LDLRAD4: variants seen among roughly 807,000 people sequenced by gnomAD.
The protein encoded by LDLRAD4 is low-density lipoprotein receptor class A domain-containing protein 4.
In LDLRAD4, 5 loss-of-function variants were observed where a neutral mutation model predicts 17.0. The observed-to-expected ratio is 0.29, with a 90% CI of 0.15 to 0.62. The LOEUF (loss-of-function observed/expected upper bound fraction) is 0.62, where lower values mean the gene tolerates loss of function less well. LDLRAD4 is among the 20% of genes least tolerant of loss of function. The probability of loss-of-function intolerance (pLI) is 0.84; values close to 1 mark genes in which losing one functional copy is unlikely to be tolerated. For synonymous variants in LDLRAD4, 168 were observed against 171.8 expected (o/e 0.98, Z 0.17); for missense variants, 340 against 424.7 (o/e 0.80, Z 1.75).
chr18:13,506,005 T>C (rs1050731544), intron 3 of LDLRAD4, among the ~76,000 whole-genome samples: 3 of 152,116 alleles, frequency 2.0e-5, no homozygotes, highest in African/African-American at 7.2e-5. Context: ...CTCCTCAGTG[T>C]GGATCCACTT....
chr18:13,513,964 G>C (rs10502422), intron 3 of LDLRAD4, among the ~76,000 whole-genome samples: 7,094 of 152,310 alleles, frequency 0.047, 221 homozygotes, highest in South Asian at 0.13. Flanking sequence ...GCTCACCATT[G>C]TGGATCAATT....
intron 3 of LDLRAD4, among the ~76,000 whole-genome samples, chr18:13,570,757 T>C (rs936837109): frequency 6.6e-6 from 1 of 152,196 alleles, no homozygotes; most frequent in African/African-American, 2.4e-5. Context: ...GCTGCCCTTT[T>C]CATTTCTTTT....
chr18:13,376,685 A>G (rs1158198678), intron 1 of LDLRAD4, among the ~76,000 whole-genome samples: 1 of 152,144 alleles, frequency 6.6e-6, no homozygotes, highest in African/African-American at 2.4e-5. Flanking sequence ...AGACTGCTCT[A>G]TCACACGCGG....
intron 1 of LDLRAD4, among the ~76,000 whole-genome samples, chr18:13,242,253 T>G (rs1248963732): frequency 1.3e-5 from 2 of 152,268 alleles, no homozygotes; most frequent in African/African-American, 4.8e-5. Flanking sequence ...AGGATTCCAG[T>G]ATTTCAAGTT....
intron 1 of LDLRAD4, among the ~76,000 whole-genome samples, chr18:13,298,250 G>A (rs1170688775): frequency 6.6e-6 from 1 of 152,270 alleles, no homozygotes. Flanking sequence ...GAATCCTGGG[G>A]CTGGAGGCCT....
At chr18:13,218,011 G>A (rs1409428618), upstream of LDLRAD4, 1 of 151,122 alleles carries the variant, frequency 6.6e-6, no homozygotes, top group Non-Finnish European at 1.5e-5. Context: ...CCCGCACAGC[G>A]CCCCTCCCCC....
chr18:13,381,187 C>T (rs1340290115), intron 1 of LDLRAD4, among the ~76,000 whole-genome samples: 1 of 150,598 alleles, frequency 6.6e-6, no homozygotes, highest in Non-Finnish European at 1.5e-5. Context: ...AAGCAGTCCT[C>T]CTGCCTCAGC....
intron 3 of LDLRAD4, among the ~76,000 whole-genome samples, chr18:13,506,276 T>A (rs971395356): frequency 1.3e-5 from 2 of 151,812 alleles, no homozygotes; most frequent in African/African-American, 4.8e-5. Context: ...AACGTGCAGT[T>A]TTGTTACATA....
chr18:13,295,599 C>G (rs1005592722), intron 1 of LDLRAD4, among the ~76,000 whole-genome samples: 16 of 152,178 alleles, frequency 1.1e-4, no homozygotes, highest in African/African-American at 3.9e-4. Flanking sequence ...TCAACTGGCA[C>G]CTTGAAATGT....
At chr18:13,640,138 A>C (rs1800990059) in intron 4 of LDLRAD4, among the ~76,000 whole-genome samples, 1 of 152,006 alleles carries the variant, frequency 6.6e-6, no homozygotes, top group Non-Finnish European at 1.5e-5. Flanking sequence ...TACAAAAAAA[A>C]CAAAATTAGC....
chr18:13,450,459 G>C lies in LDLRAD4; in HGVS notation c.181+12075G>C, dbSNP rs973813663. Among the ~76,000 whole-genome samples, 3 of 152,296 alleles carry C rather than the reference G, an allele frequency of 2.0e-5. No homozygotes were observed. In the East Asian group the frequency reaches 5.8e-4, roughly 29 times the overall value. ...GTGTTATAGAGAAAACATGTTTGGGGTAGTCACTTGTGGAAAATTATATGC... is the reference window on the plus strand; with the variant it reads ...GTGTTATAGAGAAAACATGTTTGGGCTAGTCACTTGTGGAAAATTATATGC... On this transcript the variant is annotated intron_variant, in intron 3 of 5. Coordinates refer to ENST00000359446, the Ensembl canonical transcript of LDLRAD4.
chr18:13,646,911 T>C (rs2043035586), exon 6 of LDLRAD4: 1 of 152,346 alleles, frequency 6.6e-6, no homozygotes, highest in Non-Finnish European at 1.5e-5. Flanking sequence ...GTGTGGGTGG[T>C]GGTTTCTTAT....
chr18:13,264,907 T>G (rs1017074813), intron 1 of LDLRAD4, among the ~76,000 whole-genome samples: 4 of 152,174 alleles, frequency 2.6e-5, no homozygotes, highest in African/African-American at 9.7e-5. Flanking sequence ...ATAAACAGAC[T>G]CCAGTATTTC....
chr18:13,645,137 C>T lies in LDLRAD4; in HGVS notation c.401C>T (p.Ala134Val). The change falls in exon 6 of 6, where the codon GCC becomes GTC. Residue 134 changes from alanine (A) to valine (V), a missense_variant. Transcript: ENST00000359446. The surrounding 1 kb of genome is among the most constrained non-coding windows in gnomAD (Gnocchi z 5.7). ...CTCTTTTCCTTCCAGATCATGCATG[C>T]CCCGCGGTCCAGGGACAGGTTCACA... 1.2e-6 allele frequency: 2 copies of T among 1,608,080 alleles called. No individual in the cohort carries two copies. Among genetic ancestry groups the T allele is most frequent in the South Asian group, 1.1e-5 (1 of 90,738 alleles).
chr18:13,642,050 G>T (rs1472824531), intron 4 of LDLRAD4: 5 of 985,460 alleles, frequency 5.1e-6, no homozygotes, highest in Non-Finnish European at 6.0e-6. Flanking sequence ...CCTCGTCTGT[G>T]CCTGCCAGGC....
At chr18:13,429,111 A>G (rs1263287362) in intron 2 of LDLRAD4, among the ~76,000 whole-genome samples, 1 of 152,064 alleles carries the variant, frequency 6.6e-6, no homozygotes, top group African/African-American at 2.4e-5. Flanking sequence ...TGTGGAGAGG[A>G]GTGCAGTGCC....
chr18:13,585,168 G>A (rs548927450), intron 3 of LDLRAD4, among the ~76,000 whole-genome samples: 2 of 152,340 alleles, frequency 1.3e-5, no homozygotes, highest in East Asian at 3.9e-4. Flanking sequence ...GACAGCCTGA[G>A]TAGCTCATAT....
intron 1 of LDLRAD4, among the ~76,000 whole-genome samples, chr18:13,294,234 A>T (rs988910040): frequency 6.6e-6 from 1 of 152,224 alleles, no homozygotes; most frequent in African/African-American, 2.4e-5. Context: ...GTGCATGGGA[A>T]GTGCAGTTTC....
upstream of LDLRAD4, among the ~76,000 whole-genome samples, chr18:13,275,974 T>C (rs904728591): frequency 6.6e-6 from 1 of 152,242 alleles, no homozygotes; most frequent in Non-Finnish European, 1.5e-5. Flanking sequence ...ATATGCTTTA[T>C]ATTATGTAAC....
Sources: gnomAD v4.1 joint callset for allele counts (sites outside exome capture counted in the v4.1 genomes callset) on GRCh38, gnomAD v4.1.1 for gene constraint, Gnocchi (gnomAD v3.1) non-coding constraint, MANE v1.5 for transcripts, NCBI Gene and HGNC (gene_info 2026-07-23, HGNC 2026-07-21) for gene names.